Variants in ZC3H18 observed in about 807,000 individuals in gnomAD.
ZC3H18 encodes zinc finger CCCH-type containing 18, also known as zinc finger CCCH domain-containing protein 18.
ZC3H18 carries 8 observed loss-of-function variants against 106.1 expected under a neutral mutation model. The observed-to-expected ratio is 0.08, with a 90% CI of 0.04 to 0.14. The LOEUF (loss-of-function observed/expected upper bound fraction) is 0.14. ZC3H18 is among the 10% of genes least tolerant of loss of function. The pLI, the probability that ZC3H18 is intolerant of heterozygous loss-of-function variation, is 1.00. For missense variants in ZC3H18, 1,318 were observed against 1,278.4 expected (o/e 1.03, Z -0.47); for synonymous variants, 635 against 522.1 (o/e 1.22, Z -2.95).
intron 3 of ZC3H18, chr16:88,587,637 C>A (rs1468715744): frequency 6.6e-7 from 1 of 1,524,574 alleles, no homozygotes; most frequent in Admixed American, 2.0e-5. Flanking sequence ...TATATTCACT[C>A]TCTTCAGTAC....
rs1376449344 is a variant in ZC3H18 at position 88,627,735 on chromosome 16, C to T, written c.2222C>T (p.Ser741Leu). Residue 741 changes from serine (S) to leucine (L), a missense_variant, in exon 14 of 18, where the codon TCA (serine) becomes TTA (leucine). This residue lies in a region of ZC3H18 where 848 missense variants were observed against 821.7 expected (regional missense o/e 1.03). Coordinates refer to ENST00000301011, the MANE Select transcript of ZC3H18 (RefSeq NM_144604.4). The surrounding 1 kb of genome is among the most constrained non-coding windows in gnomAD (Gnocchi z 4.5). ...GCAGACCTGGCTAGCCCCGTGTCCTCAGCCAGCTCTCGGTCCCCGGCCCCA... is the reference window on the plus strand; with the variant it reads ...GCAGACCTGGCTAGCCCCGTGTCCTTAGCCAGCTCTCGGTCCCCGGCCCCA... ...MYADLASPVS[S>L]ASSRSPAPAQ... 2 of 1,613,292 alleles carry T rather than the reference C, an allele frequency of 1.2e-6. No individual in the cohort carries two copies. Among genetic ancestry groups the T allele is most frequent in the South Asian group, 2.2e-5 (2 of 91,082 alleles).
intron 6 of ZC3H18, among the ~76,000 whole-genome samples, chr16:88,602,713 A>G (rs907151031): frequency 8.5e-5 from 13 of 152,286 alleles, no homozygotes; most frequent in South Asian, 2.1e-4. Context: ...AGGTCTTGCT[A>G]TGTTGCTCAG....
intron 8 of ZC3H18, 65 bp downstream of exon 8, chr16:88,611,601 C>A (rs891551433): frequency 5.3e-6 from 8 of 1,509,342 alleles, no homozygotes; most frequent in South Asian, 2.6e-5. Flanking sequence ...TGTACCTAGT[C>A]CCCCTGGCCT....
intron 8 of ZC3H18, among the ~76,000 whole-genome samples, chr16:88,615,537 A>G (rs1567594436): frequency 6.6e-6 from 1 of 152,172 alleles, no homozygotes; most frequent in Non-Finnish European, 1.5e-5. Flanking sequence ...TGCATGTCAT[A>G]ATTGATTGTT....
At chr16:88,581,732 G>T (rs376734220) in intron 2 of ZC3H18, among the ~76,000 whole-genome samples, 1 of 152,172 alleles carries the variant, frequency 6.6e-6, no homozygotes, top group African/African-American at 2.4e-5. Flanking sequence ...CAAAGAGTGC[G>T]TGGAGCCCAC....
chr16:88,616,997 G>A (rs1339415937), intron 8 of ZC3H18, among the ~76,000 whole-genome samples: 1 of 152,144 alleles, frequency 6.6e-6, no homozygotes, highest in Non-Finnish European at 1.5e-5. Flanking sequence ...CGGGAGGAGC[G>A]AGAGTCGGCC....
rs1905288498 is a variant in ZC3H18 at position 88,611,804 on chromosome 16, TAC to T, written c.1475+270_1475+271del. On this transcript the variant is annotated intron_variant, in intron 8 of 17. Coordinates refer to ENST00000301011, the MANE Select transcript of ZC3H18 (RefSeq NM_144604.4). ...AGGATCTCACTGATGTGAAAATGCT[TAC>T]AGTCCACGTGCAAACATCGGTGTGT... Among the ~76,000 whole-genome samples, 3 of 152,208 alleles carry T rather than the reference TAC, an allele frequency of 2.0e-5. No homozygotes were observed. The South Asian group carries it at 6.2e-4, about 32-fold the overall frequency.
intron 9 of ZC3H18, 142 bp downstream of exon 9, chr16:88,622,530 C>T: frequency 1.1e-6 from 1 of 914,718 alleles, no homozygotes; most frequent in East Asian, 2.7e-5. Flanking sequence ...GTCAGTGGGA[C>T]TAACCCGGCG....
intron 8 of ZC3H18, among the ~76,000 whole-genome samples, chr16:88,614,278 A>G (rs1018201137): frequency 1.3e-4 from 20 of 152,164 alleles, no homozygotes; most frequent in African/African-American, 2.4e-5. Context: ...CCCCTCAGAG[A>G]CCTGGCAGCC....
chr16:88,581,367 G>A (rs562004741), intron 2 of ZC3H18, among the ~76,000 whole-genome samples: 2 of 152,310 alleles, frequency 1.3e-5, no homozygotes, highest in East Asian at 3.9e-4. Flanking sequence ...CACTGGGACA[G>A]GTGAACTGAT....
At position 88,619,204 on chromosome 16, in the gene ZC3H18, G is replaced by A. The variant is rs1310127941; in HGVS notation, c.1476-2993G>A. On this transcript the variant is annotated intron_variant, in intron 8 of 17. Coordinates refer to ENST00000301011, the MANE Select transcript of ZC3H18 (RefSeq NM_144604.4). ...GGCTGAGGCAGGAGAATGGCATGAG[G>A]CAGAGCTTGCAGTGAGCCAAGATCG... Among the ~76,000 whole-genome samples the A allele has an allele frequency of 2.6e-5, 4 of 152,110 alleles. No homozygotes were observed. In the South Asian group the frequency reaches 6.2e-4, roughly 24 times the overall value.
chr16:88,590,884 C>G (rs1263333643), intron 3 of ZC3H18, among the ~76,000 whole-genome samples: 1 of 151,606 alleles, frequency 6.6e-6, no homozygotes, highest in Non-Finnish European at 1.5e-5. Flanking sequence ...CTGATTTATC[C>G]CTCAGTGAAC....
chr16:88,624,211 A>G (rs1906149906), intron 11 of ZC3H18, 149 bp downstream of exon 11: 1 of 1,086,850 alleles, frequency 9.2e-7, no homozygotes, highest in Non-Finnish European at 1.3e-6. Context: ...CTGGGCTGGG[A>G]GGCACTGGGC....
Position 88,630,622 on chromosome 16 carries a change from G to C in ZC3H18, c.2663+41G>C, listed in dbSNP as rs757901480. 5 of 1,544,244 alleles carry C rather than the reference G, an allele frequency of 3.2e-6. No homozygotes were observed. The South Asian group carries it at 4.7e-5, about 14-fold the overall frequency. On this transcript the variant is annotated intron_variant, in intron 17 of 17. Transcript: ENST00000301011. ...CATGTGCCCTGGGCACACCGAGGGG[G>C]CCAGCCCCAGTCGCTTCCCCAGGGA...
chr16:88,580,073 C>T (rs1411930883), intron 2 of ZC3H18, among the ~76,000 whole-genome samples: 1 of 152,058 alleles, frequency 6.6e-6, no homozygotes, highest in Non-Finnish European at 1.5e-5. Flanking sequence ...TTTCAGGCTC[C>T]TCCATCCTTT....
chr16:88,604,305 C>T (rs370020015), intron 6 of ZC3H18, among the ~76,000 whole-genome samples: 2 of 150,422 alleles, frequency 1.3e-5, no homozygotes, highest in Admixed American at 6.6e-5. Flanking sequence ...CAAGTGAGAT[C>T]GTGCCACTGC....
intron 2 of ZC3H18, among the ~76,000 whole-genome samples, chr16:88,581,992 G>A (rs1390853040): frequency 6.6e-6 from 1 of 152,146 alleles, no homozygotes; most frequent in Non-Finnish European, 1.5e-5. Flanking sequence ...CTGGCCCTTG[G>A]AAAGGATAGG....
rs781745313 is a variant in ZC3H18, at chr16:88,577,573, G to T, written c.450G>T (p.Ala150=). 2 of 1,613,608 alleles carry T rather than the reference G, an allele frequency of 1.2e-6. No homozygotes were observed. The highest frequency in any genetic ancestry group is 1.7e-6 in the Non-Finnish European group (2 of 1,179,862). ...PAVQEDEAEK[A]GAEDDEEKGE... ...TCCAGGAGGACGAGGCTGAGAAAGC[G>T]GGGGCTGAGGATGATGAGGAGAAAG... The change falls in exon 2 of 18, where the codon GCG becomes GCT. Residue 150 remains alanine, a synonymous_variant. Coordinates refer to ENST00000301011, the MANE Select transcript of ZC3H18 (RefSeq NM_144604.4).
intron 8 of ZC3H18, among the ~76,000 whole-genome samples, chr16:88,614,811 T>C (rs1905479389): frequency 6.6e-6 from 1 of 152,230 alleles, no homozygotes; most frequent in Non-Finnish European, 1.5e-5. Flanking sequence ...ACACACAGTA[T>C]TTTCAGTGTG....
Sources: allele counts gnomAD v4.1 joint callset (sites outside exome capture counted in the v4.1 genomes callset), GRCh38; gene constraint gnomAD v4.1.1; regional missense constraint gnomAD v4.1.1; non-coding constraint Gnocchi (gnomAD v3.1); transcripts MANE v1.5; gene names NCBI Gene and HGNC (gene_info 2026-07-23, HGNC 2026-07-21).